NHSL1: variants seen among roughly 807,000 people sequenced by gnomAD.
NHSL1 encodes NHS like 1.
In NHSL1, 48 loss-of-function variants were observed where a neutral mutation model predicts 95.0. The ratio of observed to expected loss-of-function variants is 0.51; its 90% CI spans 0.40 to 0.64. The LOEUF is 0.64. NHSL1 is among the 30% of genes least tolerant of loss of function. The pLI is 0.00. For synonymous variants in NHSL1, 783 were observed against 833.9 expected, an observed-to-expected ratio of 0.94 and a Z score of 1.05; for missense variants, 1,971 against 2,077.7, an observed-to-expected ratio of 0.95 and a Z score of 1.00.
At chr6:138,544,994 T>C (rs1427241527) in intron 1 of NHSL1, among the ~76,000 whole-genome samples, 1 of 129,676 alleles carries the variant, frequency 7.7e-6, no homozygotes, top group Non-Finnish European at 1.5e-5. Context: ...TTTTTTTTTT[T>C]TTTTTTTTTT....
At chr6:138,480,720 T>C (rs1779368978) in intron 2 of NHSL1, among the ~76,000 whole-genome samples, 1 of 152,184 alleles carries the variant, frequency 6.6e-6, no homozygotes, top group South Asian at 2.1e-4. Context: ...AGGACTCCAG[T>C]CCCAAAGTTA....
At chr6:138,546,914 G>T (rs560456351), upstream of NHSL1, among the ~76,000 whole-genome samples, 4 of 152,280 alleles carry the variant, frequency 2.6e-5, no homozygotes, top group South Asian at 8.3e-4. Context: ...CACAAATACT[G>T]CCTCAGGAGC....
chr6:138,589,252 A>C (rs1035709484), intron 1 of NHSL1, among the ~76,000 whole-genome samples: 4 of 152,180 alleles, frequency 2.6e-5, no homozygotes, highest in African/African-American at 9.7e-5. Context: ...TGAGGCGTGA[A>C]GGAGAAAGCA....
At chr6:138,690,256 T>C (rs1785646469) in intron 1 of NHSL1, among the ~76,000 whole-genome samples, 1 of 152,222 alleles carries the variant, frequency 6.6e-6, no homozygotes, top group Non-Finnish European at 1.5e-5. Flanking sequence ...AGGCATTGTT[T>C]TAAAAGAATC....
At chr6:138,555,376 G>C (rs1190648466) in intron 1 of NHSL1, among the ~76,000 whole-genome samples, 1 of 152,118 alleles carries the variant, frequency 6.6e-6, no homozygotes, top group Non-Finnish European at 1.5e-5. Context: ...CCACTCAAGA[G>C]GGAAAAAGTT....
At chr6:138,520,737 C>T (rs148496105) in intron 1 of NHSL1, among the ~76,000 whole-genome samples, 1 of 152,180 alleles carries the variant, frequency 6.6e-6, no homozygotes, top group Non-Finnish European at 1.5e-5. Context: ...CTGATTTCTA[C>T]TTTTTGTGAC....
intron 5 of NHSL1, among the ~76,000 whole-genome samples, chr6:138,440,136 T>A (rs1424406218): frequency 6.6e-6 from 1 of 152,184 alleles, no homozygotes; most frequent in East Asian, 1.9e-4. Flanking sequence ...TAAATGCCTG[T>A]CTTTAAAGTC....
chr6:138,681,304 G>A (rs1031304028), intron 1 of NHSL1, among the ~76,000 whole-genome samples: 1 of 152,244 alleles, frequency 6.6e-6, no homozygotes, highest in Non-Finnish European at 1.5e-5. Context: ...CTGGAGTGGG[G>A]AGTTGATGCT....
At chr6:138,683,783 T>C (rs6903923) in intron 1 of NHSL1, among the ~76,000 whole-genome samples, 69,293 of 152,120 alleles carry the variant, frequency 0.46, 17,274 homozygotes, top group African/African-American at 0.65. Flanking sequence ...AAACAAGTTA[T>C]TTGTGCCTTC....
intron 1 of NHSL1, among the ~76,000 whole-genome samples, chr6:138,619,682 G>C (rs913921383): frequency 3.9e-5 from 6 of 152,130 alleles, no homozygotes; most frequent in Admixed American, 3.3e-4. Flanking sequence ...ACCACTTCGG[G>C]AGGACAAGGC....
At chr6:138,597,451 C>CTTT (rs1784317021) in intron 1 of NHSL1, among the ~76,000 whole-genome samples, 1 of 152,210 alleles carries the variant, frequency 6.6e-6, no homozygotes, top group Non-Finnish European at 1.5e-5. Context: ...CATCACGGAA[C>CTTT]TTTAGTCCAA....
At chr6:138,501,642 C>A (rs1457703921), upstream of NHSL1, among the ~76,000 whole-genome samples, 1 of 152,154 alleles carries the variant, frequency 6.6e-6, no homozygotes, top group Non-Finnish European at 1.5e-5. Context: ...GTGCTCTTTC[C>A]TCTCAGAAAA....
intron 5 of NHSL1, among the ~76,000 whole-genome samples, chr6:138,434,952 T>C (rs922184104): frequency 6.6e-6 from 1 of 152,226 alleles, no homozygotes; most frequent in African/African-American, 2.4e-5. Flanking sequence ...TAAAGCCTTC[T>C]CCTTCACTGT....
chr6:138,455,507 A>ACATGCTCCCTGCAAGGAGCCCCGCCTTCG (rs1562287821), intron 3 of NHSL1, among the ~76,000 whole-genome samples: 18 of 72,700 alleles, frequency 2.5e-4, no homozygotes, highest in South Asian at 3.3e-4. Flanking sequence ...CCCCGCCTTC[A>ACATGCTCCCTGCAAGGAGCCCCGCCTTCG]CATGCTCCCT....
At chr6:138,524,661 T>C (rs1327205063) in intron 1 of NHSL1, among the ~76,000 whole-genome samples, 2 of 152,164 alleles carry the variant, frequency 1.3e-5, no homozygotes, top group African/African-American at 2.4e-5. Context: ...TGCATGTCAT[T>C]TGGTAAACAT....
chr6:138,526,089 T>C (rs1351599743), intron 1 of NHSL1, among the ~76,000 whole-genome samples: 1 of 116,578 alleles, frequency 8.6e-6, no homozygotes, highest in East Asian at 2.6e-4. Flanking sequence ...CGAGACTCTG[T>C]CTCCAAAAAA....
chr6:138,591,059 A>G (rs1784216923), intron 1 of NHSL1, among the ~76,000 whole-genome samples: 1 of 152,196 alleles, frequency 6.6e-6, no homozygotes, highest in African/African-American at 2.4e-5. Flanking sequence ...AAGAAAAAGA[A>G]CAGCAATACT....
chr6:138,631,617 A>G (rs1263923373), intron 1 of NHSL1, among the ~76,000 whole-genome samples: 1 of 152,126 alleles, frequency 6.6e-6, no homozygotes, highest in Non-Finnish European at 1.5e-5. Flanking sequence ...CTGGGCCAGA[A>G]GGAAACTTGT....
At chr6:138,601,155 G>A (rs1168155696) in intron 1 of NHSL1, among the ~76,000 whole-genome samples, 1 of 152,148 alleles carries the variant, frequency 6.6e-6, no homozygotes, top group African/African-American at 2.4e-5. Flanking sequence ...ACTTATCCCA[G>A]AACTTTCTTC....
Sources: gnomAD v4.1 joint callset for allele counts (sites outside exome capture counted in the v4.1 genomes callset) on GRCh38, gnomAD v4.1.1 for gene constraint, MANE v1.5 for transcripts, NCBI Gene and HGNC (gene_info 2026-07-23, HGNC 2026-07-21) for gene names.